BIRC2: variants seen among roughly 807,000 people sequenced by gnomAD.
BIRC2 encodes the protein baculoviral IAP repeat-containing protein 2.
BIRC2 carries 18 observed loss-of-function variants against 60.9 expected under a neutral mutation model. The observed-to-expected ratio is 0.30, with a 90% CI of 0.20 to 0.44. BIRC2 has a LOEUF of 0.44. Among genes scored for constraint, BIRC2 ranks in the 20% least tolerant of loss-of-function variants. The pLI, the probability that BIRC2 is intolerant of heterozygous loss-of-function variation, is 1.00. For synonymous variants in BIRC2, 282 were observed against 247.7 expected (o/e 1.14, Z -1.30); for missense variants, 701 against 728.5 (o/e 0.96, Z 0.43).
intron 6 of BIRC2, among the ~76,000 whole-genome samples, chr11:102,370,659 G>A (rs1236491878): frequency 2.6e-4 from 24 of 91,800 alleles, no homozygotes; most frequent in South Asian, 9.4e-4. Context: ...GCTCTTTTTT[G>A]GTTCCATATG....
chr11:102,374,503 C>T (rs1370309999), intron 6 of BIRC2, among the ~76,000 whole-genome samples: 2 of 150,652 alleles, frequency 1.3e-5, no homozygotes, highest in Middle Eastern at 3.2e-3. Flanking sequence ...CAGGGACCCA[C>T]TTGAGGAGGC....
intron 6 of BIRC2, among the ~76,000 whole-genome samples, chr11:102,375,958 CA>C (rs1011040382): frequency 2.8e-5 from 4 of 144,860 alleles, no homozygotes; most frequent in African/African-American, 1.1e-4. Flanking sequence ...CCTAGCACGT[CA>C]ATTTTTTTTT....
intron 3 of BIRC2, 57 bp downstream of exon 3, chr11:102,351,000 C>A: frequency 1.3e-6 from 2 of 1,497,052 alleles, no homozygotes; most frequent in Non-Finnish European, 1.8e-6. Context: ...AAGAAGTAGG[C>A]ATGCCTACAT....
rs571859283 is a variant in BIRC2, at chr11:102,374,489, G to T, written c.1367-3007G>T. Among the ~76,000 whole-genome samples, 932 of 150,032 alleles carry T rather than the reference G, an allele frequency of 6.2e-3. 8 individuals are homozygous for T. The highest frequency in any genetic ancestry group is 0.021 in the African/African-American group (849 of 40,640). ...CCCAGTTAGGCTGCTCGGGGGTCAG[G>T]GGTCAGGGACCCACTTGAGGAGGCA... On this transcript the variant is annotated intron_variant, in intron 6 of 8. Coordinates refer to ENST00000227758, the MANE Select transcript of BIRC2 (RefSeq NM_001166.5).
intron 6 of BIRC2, among the ~76,000 whole-genome samples, chr11:102,368,946 T>C (rs943964193): frequency 6.6e-6 from 1 of 152,004 alleles, no homozygotes; most frequent in African/African-American, 2.4e-5. Flanking sequence ...ATATTTTTAA[T>C]AGGATACTTT....
At chr11:102,364,568 A>G (rs1225940290) in intron 5 of BIRC2, among the ~76,000 whole-genome samples, 1 of 152,204 alleles carries the variant, frequency 6.6e-6, no homozygotes, top group East Asian at 1.9e-4. Context: ...TATGTAATAT[A>G]CATATGTTAT....
chr11:102,358,153 G>T (rs1010781580), intron 3 of BIRC2, among the ~76,000 whole-genome samples: 3 of 152,096 alleles, frequency 2.0e-5, no homozygotes, highest in African/African-American at 4.8e-5. Flanking sequence ...GTGACCTGCT[G>T]CATGATCTAC....
chr11:102,378,347 CAT>C lies in BIRC2; in HGVS notation c.*169_*170del. Reference sequence around the variant, plus strand: ...AATCTTGTTTCTGAAAAGATGGTATCATATATTTAATCTTAATCTGTTTATTT... The same window carrying C: ...AATCTTGTTTCTGAAAAGATGGTATCATATTTAATCTTAATCTGTTTATTT... On this transcript the variant is annotated 3_prime_UTR_variant, in exon 9 of 9. Transcript: ENST00000227758. 2 of 557,886 alleles carry C rather than the reference CAT, an allele frequency of 3.6e-6. No homozygotes were observed. The highest frequency in any genetic ancestry group is 3.7e-5 in the Admixed American group (1 of 27,244). 34.6% of individuals were successfully genotyped at this position (557,886 alleles called of 1,614,324 possible). A position where few individuals can be genotyped will look rare whatever the true frequency, so the allele number is the denominator to read the frequency against.
chr11:102,364,174 T>TATATATATATATATATATATATACAC (rs1389968594), intron 5 of BIRC2, among the ~76,000 whole-genome samples: 1 of 78,118 alleles, frequency 1.3e-5, no homozygotes, highest in Non-Finnish European at 2.3e-5. Context: ...TATATATATA[T>TATATATATATATATATATATATACAC]ACACACACAC....
intron 3 of BIRC2, 138 bp from the exon 4 acceptor site, chr11:102,362,758 T>C (rs1039465932): frequency 5.2e-6 from 3 of 571,904 alleles, no homozygotes; most frequent in African/African-American, 3.7e-5. Flanking sequence ...CTGTTAGATA[T>C]GTATGTGTTC....
chr11:102,368,262 TTA>T (rs1310476642), intron 5 of BIRC2, 42 bp from the exon 6 acceptor site: 1 of 1,586,888 alleles, frequency 6.3e-7, no homozygotes, highest in Non-Finnish European at 8.6e-7. Flanking sequence ...TTCCATAGGT[TTA>T]TGTTTGTGGA....
At chr11:102,352,648 C>G (rs1565331655) in intron 3 of BIRC2, among the ~76,000 whole-genome samples, 1 of 152,028 alleles carries the variant, frequency 6.6e-6, no homozygotes, top group Non-Finnish European at 1.5e-5. Context: ...CCAGGCTGGT[C>G]TTGAACTCCT....
At chr11:102,364,186 CAGAG>C (rs56992401) in intron 5 of BIRC2, among the ~76,000 whole-genome samples, 8,581 of 97,476 alleles carry the variant, frequency 0.088, 445 homozygotes, top group Non-Finnish European at 0.13. Flanking sequence ...CACACACACA[CAGAG>C]AGAGAGAGAG....
rs762391602 is a variant in BIRC2 at position 102,368,521 on chromosome 11, G to A, written c.1339G>A (p.Glu447Lys). The A allele has an allele frequency of 3.1e-6, 5 of 1,612,846 alleles. No individual in the cohort carries two copies. Among genetic ancestry groups the A allele is most frequent in the Non-Finnish European group, 4.2e-6 (5 of 1,179,662 alleles). Residue 447 changes from glutamate (E) to lysine (K), a missense_variant, in exon 6 of 9, where the codon GAA (glutamate) becomes AAA (lysine). Glu to Lys is a moderately conservative substitution (Grantham distance 56). Coordinates refer to ENST00000227758, the MANE Select transcript of BIRC2 (RefSeq NM_001166.5). The stretch of plus-strand genomic sequence containing the variant: ...AGATGAAAAAAGAGAAGAGGAGAAG[G>A]AAAAACAAGCTGAAGAAATGGCATC... Reference protein sequence around the residue: ...AEDEKREEEKEKQAEEMASDD... With the variant: ...AEDEKREEEKKKQAEEMASDD...
At chr11:102,361,565 T>C (rs908024545) in intron 3 of BIRC2, among the ~76,000 whole-genome samples, 1 of 152,170 alleles carries the variant, frequency 6.6e-6, no homozygotes, top group African/African-American at 2.4e-5. Context: ...AAGCTGTCAG[T>C]GTCCTCTGCA....
In BIRC2 at chr11:102,377,530, T is replaced by C. The variant is rs142757406; in HGVS notation, c.1401T>C (p.Ala467=). ...DLSLIRKNRM[A]LFQQLTCVLP... Reference sequence around the variant, plus strand: ...CATTAATTCGGAAGAACAGAATGGCTCTCTTTCAACAATTGACATGTGTGC... The same window carrying C: ...CATTAATTCGGAAGAACAGAATGGCCCTCTTTCAACAATTGACATGTGTGC... Residue 467 remains alanine (A), a synonymous_variant, in exon 7 of 9, where the codon GCT becomes GCC. Coordinates refer to ENST00000227758, the MANE Select transcript of BIRC2 (RefSeq NM_001166.5). 3.9e-5 allele frequency: 63 copies of C among 1,600,558 alleles called. No homozygotes were observed. The African/African-American group carries it at 7.6e-4, about 19-fold the overall frequency.
chr11:102,368,168 T>G, intron 5 of BIRC2, 138 bp from the exon 6 acceptor site: 1 of 966,984 alleles, frequency 1.0e-6, no homozygotes. Context: ...TTATTGGAGT[T>G]ATAGGTAATC....
intron 3 of BIRC2, among the ~76,000 whole-genome samples, chr11:102,360,817 T>TGGGTGA (rs150400492): frequency 6.7e-5 from 10 of 148,878 alleles, no homozygotes; most frequent in Admixed American, 3.3e-4. Context: ...TCTTTGCCTG[T>TGGGTGA]GGGTGAGGGT....
chr11:102,354,775 A>G (rs1783426976), intron 3 of BIRC2, among the ~76,000 whole-genome samples: 1 of 152,122 alleles, frequency 6.6e-6, no homozygotes, highest in Admixed American at 6.5e-5. Context: ...TCCGATGATA[A>G]TAAGGCATCA....
Sources: gnomAD v4.1 joint callset for allele counts (sites outside exome capture counted in the v4.1 genomes callset) on GRCh38, gnomAD v4.1.1 for gene constraint, MANE v1.5 for transcripts, NCBI Gene and HGNC (gene_info 2026-07-23, HGNC 2026-07-21) for gene names.